The following YAF2 variants were observed in gnomAD, a reference collection of about 807,000 sequenced individuals.
YAF2 encodes the protein YY1-associated factor 2.
In YAF2, 7 loss-of-function variants were observed where a neutral mutation model predicts 20.1. The observed-to-expected ratio is 0.35, with a 90% CI of 0.20 to 0.65. The LOEUF is 0.65. YAF2 is among the 30% of genes least tolerant of loss of function. The pLI, the probability that YAF2 is intolerant of heterozygous loss-of-function variation, is 0.69. For synonymous variants in YAF2, 74 were observed against 76.0 expected, an observed-to-expected ratio of 0.97 and a Z score of 0.14; for missense variants, 151 against 219.2, an observed-to-expected ratio of 0.69 and a Z score of 1.96.
chr12:42,214,687 A>T lies in YAF2; in HGVS notation c.152+22912T>A, dbSNP rs114047398. On this transcript the variant is annotated intron_variant, in intron 2 of 3. Coordinates refer to ENST00000534854, the MANE Select transcript of YAF2 (RefSeq NM_005748.6). ...CACTCTGCAATGATTTTTTTTTGGT[A>T]TTTTTTTGTTTGCAACTTAAATTCC... Among the ~76,000 whole-genome samples, 1,307 of 151,208 alleles carry T rather than the reference A, an allele frequency of 8.6e-3. 19 individuals carry two copies. The highest frequency in any genetic ancestry group is 0.03 in the African/African-American group (1,254 of 41,196).
At chr12:42,160,968 T>A (rs1167764308) in intron 3 of YAF2, 142 bp from the exon 4 acceptor site, 8 of 642,192 alleles carry the variant, frequency 1.2e-5, no homozygotes, top group Non-Finnish European at 2.6e-6. Context: ...CACAAAAACA[T>A]CATAAAATGT....
At chr12:42,212,678 A>T (rs1479632187) in intron 2 of YAF2, among the ~76,000 whole-genome samples, 1 of 152,248 alleles carries the variant, frequency 6.6e-6, no homozygotes, top group African/African-American at 2.4e-5. Flanking sequence ...TTATGAGGTC[A>T]TATTTGTATT....
At chr12:42,193,262 C>A (rs1048661536) in intron 2 of YAF2, among the ~76,000 whole-genome samples, 3 of 151,358 alleles carry the variant, frequency 2.0e-5, no homozygotes, top group African/African-American at 7.3e-5. Flanking sequence ...CTGCAGTGAA[C>A]CGAGATTGCG....
At chr12:42,197,932 A>G (rs575191113) in intron 2 of YAF2, among the ~76,000 whole-genome samples, 2 of 152,342 alleles carry the variant, frequency 1.3e-5, no homozygotes, top group South Asian at 4.1e-4. Context: ...ATTAAGTCAC[A>G]TATGTTATAC....
At chr12:42,236,135 C>T in intron 2 of YAF2, 1 of 1,332,670 alleles carries the variant, frequency 7.5e-7, no homozygotes, top group Non-Finnish European at 9.9e-7. Context: ...AATGTTCCTG[C>T]CTCCAAAAAA....
chr12:42,235,741 A>G (rs1392867237), intron 2 of YAF2: 2 of 1,535,108 alleles, frequency 1.3e-6, no homozygotes, highest in Admixed American at 2.0e-5. Flanking sequence ...TTGGATCTAC[A>G]AGAGCTTAGA....
intron 2 of YAF2, chr12:42,199,263 G>C: frequency 8.3e-7 from 1 of 1,208,856 alleles, no homozygotes; most frequent in Non-Finnish European, 1.1e-6. Flanking sequence ...GAGTAAGAAA[G>C]AAACACTATG....
chr12:42,210,538 A>C lies in YAF2; in HGVS notation c.152+27061T>G, dbSNP rs2067177745. Reference sequence around the variant, plus strand: ...AGATGCTAGAGACATGCTTCAGTGCACTTGCTTACCTTCCTGAAATTGGAA... The same window carrying C: ...AGATGCTAGAGACATGCTTCAGTGCCCTTGCTTACCTTCCTGAAATTGGAA... On this transcript the variant is annotated intron_variant, in intron 2 of 3. Coordinates refer to ENST00000534854, the MANE Select transcript of YAF2 (RefSeq NM_005748.6). The C allele has an allele frequency of 3.9e-6, 6 of 1,536,052 alleles. No homozygotes were observed. The East Asian group carries it at 1.5e-4, about 38-fold the overall frequency.
chr12:42,223,374 A>C (rs2067582829), intron 2 of YAF2, among the ~76,000 whole-genome samples: 1 of 152,118 alleles, frequency 6.6e-6, no homozygotes, highest in South Asian at 2.1e-4. Context: ...ACACACAAAC[A>C]AAAAGATAAA....
rs61600160 is a variant in YAF2 at position 42,206,323 on chromosome 12, G to A, written c.152+31276C>T. ...AAAAAAAAAAAAAAAAAAAAGTGAC[G>A]TCTGGCTGGGCGCAGTGGCTCACGC... On this transcript the variant is annotated intron_variant, in intron 2 of 3. Coordinates refer to ENST00000534854, the MANE Select transcript of YAF2 (RefSeq NM_005748.6). 6.9e-3 allele frequency among the ~76,000 whole-genome samples: 1,001 copies of A among 145,328 alleles called. 13 individuals are homozygous for A. The highest frequency in any genetic ancestry group is 0.023 in the African/African-American group (922 of 39,388).
At chr12:42,227,932 G>A (rs1339338699) in intron 2 of YAF2, among the ~76,000 whole-genome samples, 4 of 140,862 alleles carry the variant, frequency 2.8e-5, no homozygotes, top group African/African-American at 8.1e-5. Context: ...GAAGTGAGGA[G>A]CCCCTCAGCC....
At chr12:42,171,546 G>A (rs1451941913) in intron 2 of YAF2, among the ~76,000 whole-genome samples, 1 of 151,966 alleles carries the variant, frequency 6.6e-6, no homozygotes, top group African/African-American at 2.4e-5. Context: ...TATGTTACTT[G>A]TAGAATTACT....
intron 2 of YAF2, among the ~76,000 whole-genome samples, chr12:42,169,878 CTT>C (rs71434389): frequency 6.9e-6 from 1 of 145,516 alleles, no homozygotes; most frequent in Non-Finnish European, 1.5e-5. Context: ...TCTCTCCTTT[CTT>C]TTTTTTTTAA....
intron 2 of YAF2, among the ~76,000 whole-genome samples, chr12:42,191,996 C>T (rs930556575): frequency 1.3e-5 from 2 of 151,504 alleles, no homozygotes; most frequent in East Asian, 1.9e-4. Context: ...GACCCAAGAT[C>T]GTGCCTCTGC....
In YAF2 at chr12:42,168,742, T is replaced by C. The variant is rs562930044; in HGVS notation, c.153-6977A>G. ...TAGTTACAGTAAGCAGAATCTACTA[T>C]ACAAACTCTAGATCTAAGGGCATAT... On this transcript the variant is annotated intron_variant, in intron 2 of 3. Coordinates refer to ENST00000534854, the MANE Select transcript of YAF2 (RefSeq NM_005748.6). Among the ~76,000 whole-genome samples the C allele has an allele frequency of 2.3e-4, 35 of 152,292 alleles. No homozygotes were observed. The South Asian group carries it at 2.9e-3, about 13-fold the overall frequency.
At chr12:42,237,365 A>G (rs2068199871) in intron 2 of YAF2, 1 of 1,201,456 alleles carries the variant, frequency 8.3e-7, no homozygotes, top group African/African-American at 1.6e-5. Context: ...GCCTCCCTTA[A>G]ATAATTTATT....
chr12:42,170,249 G>T (rs1244181737), intron 2 of YAF2, among the ~76,000 whole-genome samples: 1 of 152,154 alleles, frequency 6.6e-6, no homozygotes, highest in African/African-American at 2.4e-5. Flanking sequence ...CTGAAGGATT[G>T]TGTCTTTTCA....
At position 42,176,314 on chromosome 12, in the gene YAF2, T is replaced by C. The variant is rs141758953; in HGVS notation, c.153-14549A>G. On this transcript the variant is annotated intron_variant, in intron 2 of 3. Coordinates refer to ENST00000534854, the MANE Select transcript of YAF2 (RefSeq NM_005748.6). ...TTTTGTATTTTAAATAGAGATGGGG[T>C]TTCACCATGCTGGCCAGACTGGTCT... is the stretch of plus-strand genomic sequence containing the variant. 8.6e-5 allele frequency among the ~76,000 whole-genome samples: 13 copies of C among 151,928 alleles called. No individual in the cohort carries two copies. The East Asian group carries it at 1.2e-3, about 14-fold the overall frequency.
At chr12:42,213,746 T>C (rs2067275761) in intron 2 of YAF2, among the ~76,000 whole-genome samples, 1 of 152,226 alleles carries the variant, frequency 6.6e-6, no homozygotes, top group Admixed American at 6.5e-5. Flanking sequence ...AGTACTGAAA[T>C]GCCATACCTT....
Sources: allele counts gnomAD v4.1 joint callset (sites outside exome capture counted in the v4.1 genomes callset), GRCh38; gene constraint gnomAD v4.1.1; transcripts MANE v1.5; gene names NCBI Gene and HGNC (gene_info 2026-07-23, HGNC 2026-07-21).